Variants in KCNMA1 observed in about 807,000 individuals in gnomAD.
The protein encoded by KCNMA1 is Calcium-activated potassium channel subunit alpha-1.
In KCNMA1, 29 loss-of-function variants were observed where a neutral mutation model predicts 140.0. The observed-to-expected ratio is 0.21, with a 90% CI of 0.15 to 0.28. The LOEUF (loss-of-function observed/expected upper bound fraction) is 0.28. Ranked by LOEUF, KCNMA1 falls within the 10% of genes least tolerant of loss-of-function variation. KCNMA1 has a pLI of 1.00. For missense variants in KCNMA1, 880 were observed against 1,602.2 expected, an observed-to-expected ratio of 0.55 and a Z score of 7.70; for synonymous variants, 612 against 611.9, an observed-to-expected ratio of 1.00 and a Z score of 0.00.
chr10:77,339,364 G>C (rs917252798), intron 2 of KCNMA1, among the ~76,000 whole-genome samples: 1 of 152,092 alleles, frequency 6.6e-6, no homozygotes, highest in Admixed American at 6.5e-5. Context: ...CATCTAATCT[G>C]CTGCCTTTCC....
chr10:76,954,906 T>C (rs1405646899), intron 20 of KCNMA1, among the ~76,000 whole-genome samples: 1 of 152,176 alleles, frequency 6.6e-6, no homozygotes, highest in African/African-American at 2.4e-5. Context: ...TATAGCACAA[T>C]AAATAAGCTC....
At chr10:77,114,336 A>G (rs1454675593) in intron 6 of KCNMA1, among the ~76,000 whole-genome samples, 2 of 152,178 alleles carry the variant, frequency 1.3e-5, no homozygotes, top group Admixed American at 6.5e-5. Flanking sequence ...GTGCACTGGT[A>G]TCTGCCCCTG....
chr10:77,283,523 G>A (rs923155155), intron 2 of KCNMA1, among the ~76,000 whole-genome samples: 1 of 152,196 alleles, frequency 6.6e-6, no homozygotes, highest in Non-Finnish European at 1.5e-5. Flanking sequence ...CACATGCCAG[G>A]AATTCTGTGG....
intron 2 of KCNMA1, among the ~76,000 whole-genome samples, chr10:77,394,163 A>T (rs2095947840): frequency 6.6e-6 from 1 of 152,232 alleles, no homozygotes. Flanking sequence ...CAGAGCCCTG[A>T]GGGCCTGGGA....
chr10:77,289,256 T>A (rs1356745607), intron 2 of KCNMA1, among the ~76,000 whole-genome samples: 1 of 152,164 alleles, frequency 6.6e-6, no homozygotes, highest in Non-Finnish European at 1.5e-5. Flanking sequence ...CTCCCCAGCA[T>A]CAGCCAGCCC....
intron 1 of KCNMA1, among the ~76,000 whole-genome samples, chr10:77,551,470 T>C (rs35418260): frequency 0.32 from 49,046 of 151,938 alleles, 8,321 homozygotes; most frequent in East Asian, 0.68. Context: ...CTCAGACCTA[T>C]AGAAAGAAGA....
chr10:77,404,157 C>G, intron 1 of KCNMA1, 134 bp from the exon 2 acceptor site: 1 of 733,150 alleles, frequency 1.4e-6, no homozygotes, highest in Non-Finnish European at 2.3e-6. Context: ...AGGAGTAAAG[C>G]AGAAGGGGTA....
chr10:77,394,886 G>C (rs1171699840), intron 2 of KCNMA1, among the ~76,000 whole-genome samples: 1 of 152,098 alleles, frequency 6.6e-6, no homozygotes, highest in Non-Finnish European at 1.5e-5. Context: ...TTGGACTCCG[G>C]ATACTACTCA....
intron 2 of KCNMA1, among the ~76,000 whole-genome samples, chr10:77,382,874 AAAAAAAAAAAAATAT>A (rs1244074194): frequency 8.2e-6 from 1 of 121,292 alleles, no homozygotes; most frequent in Non-Finnish European, 1.8e-5. Context: ...TCAAAAAAAA[AAAAAAAAAAAAATAT>A]ATATATATAT....
chr10:77,427,805 A>G (rs2097057020), intron 1 of KCNMA1, among the ~76,000 whole-genome samples: 1 of 151,818 alleles, frequency 6.6e-6, no homozygotes, highest in Admixed American at 6.6e-5. Flanking sequence ...GCTGGAGTGC[A>G]GTGGCATGAT....
intron 16 of KCNMA1, among the ~76,000 whole-genome samples, chr10:77,026,985 T>C (rs2093514230): frequency 6.6e-6 from 1 of 152,202 alleles, no homozygotes; most frequent in African/African-American, 2.4e-5. Flanking sequence ...ATCAAAAATA[T>C]GAACTATAGA....
intron 23 of KCNMA1, among the ~76,000 whole-genome samples, chr10:76,929,690 C>G (rs2058767126): frequency 1.3e-5 from 2 of 152,180 alleles, no homozygotes; most frequent in African/African-American, 4.8e-5. Context: ...GTTGGAATCA[C>G]CAATGCATGC....
chr10:77,043,377 CA>C (rs1279542800), intron 14 of KCNMA1, among the ~76,000 whole-genome samples: 3 of 152,138 alleles, frequency 2.0e-5, no homozygotes, highest in African/African-American at 7.2e-5. Context: ...TATTCTCAAG[CA>C]ATGTATGTAG....
intron 1 of KCNMA1, among the ~76,000 whole-genome samples, chr10:77,633,312 C>T (rs1246509123): frequency 6.6e-6 from 1 of 151,032 alleles, no homozygotes. Flanking sequence ...GAGACTCCAT[C>T]TCAAAAAAAA....
At chr10:77,122,292 C>A (rs932250562) in intron 5 of KCNMA1, among the ~76,000 whole-genome samples, 1 of 152,232 alleles carries the variant, frequency 6.6e-6, no homozygotes, top group African/African-American at 2.4e-5. Flanking sequence ...AAAATAATTT[C>A]TCATCTGAAA....
chr10:76,992,237 C>CTTT (rs1416353157), intron 19 of KCNMA1, among the ~76,000 whole-genome samples: 1 of 152,202 alleles, frequency 6.6e-6, no homozygotes, highest in Non-Finnish European at 1.5e-5. Flanking sequence ...AGAAAGGCCA[C>CTTT]TTTTGTTAGT....
At chr10:77,154,558 A>T (rs561955032) in intron 5 of KCNMA1, among the ~76,000 whole-genome samples, 63 of 152,304 alleles carry the variant, frequency 4.1e-4, no homozygotes, top group African/African-American at 1.4e-3. Context: ...CCACTTAGTG[A>T]GTATCTATAT....
At chr10:77,134,903 C>T (rs1414432527) in intron 5 of KCNMA1, among the ~76,000 whole-genome samples, 1 of 141,020 alleles carries the variant, frequency 7.1e-6, no homozygotes, top group African/African-American at 2.6e-5. Flanking sequence ...CAGGCTGAGG[C>T]AGGAGAATGG....
intron 12 of KCNMA1, among the ~76,000 whole-genome samples, chr10:77,082,824 T>C (rs1301504805): frequency 6.6e-6 from 1 of 152,130 alleles, no homozygotes; most frequent in African/African-American, 2.4e-5. Context: ...CTAAGCATAT[T>C]GCCAAAGAAA....
Sources: gnomAD v4.1 joint callset for allele counts (sites outside exome capture counted in the v4.1 genomes callset) on GRCh38, gnomAD v4.1.1 for gene constraint, MANE v1.5 for transcripts, NCBI Gene and HGNC (gene_info 2026-07-23, HGNC 2026-07-21) for gene names.